The following SRD5A2 variants were observed in gnomAD, a reference collection of about 807,000 sequenced individuals.
SRD5A2 encodes the protein steroid 5 alpha-reductase 2, also known as 3-oxo-5-alpha-steroid 4-dehydrogenase 2.
Under a neutral mutation model 27.4 loss-of-function variants are expected in SRD5A2, and 30 were observed. That is an observed-to-expected ratio of 1.10 (90% CI 0.82 to 1.49). The LOEUF (loss-of-function observed/expected upper bound fraction) is 1.49. Among genes scored for constraint, SRD5A2 ranks in the 40% most tolerant of loss-of-function variants. The pLI, the probability that SRD5A2 is intolerant of heterozygous loss-of-function variation, is 0.00. For missense variants in SRD5A2, 348 were observed against 323.4 expected (o/e 1.08, Z -0.58); for synonymous variants, 141 against 133.6 (o/e 1.06, Z -0.38).
the SRD5A2 span, among the ~76,000 whole-genome samples, chr2:31,634,934 A>G: frequency 6.6e-6 from 1 of 152,100 alleles, no homozygotes; most frequent in Non-Finnish European, 1.5e-5. Context: ...TCACTCATTC[A>G]TTGATGGACA....
At chr2:31,552,976 T>C (rs762716962) in intron 1 of SRD5A2, among the ~76,000 whole-genome samples, 3 of 152,006 alleles carry the variant, frequency 2.0e-5, no homozygotes, top group Non-Finnish European at 4.4e-5. Context: ...AAAATACTTA[T>C]CATAAAGAAG....
the SRD5A2 span, among the ~76,000 whole-genome samples, chr2:31,622,674 T>C: frequency 1.3e-5 from 2 of 152,114 alleles, no homozygotes; most frequent in African/African-American, 4.8e-5. Flanking sequence ...ATGGTTTTAC[T>C]GGGATTCAGA....
chr2:31,533,143 C>T (rs1462931843), intron 2 of SRD5A2, among the ~76,000 whole-genome samples: 1 of 151,996 alleles, frequency 6.6e-6, no homozygotes, highest in East Asian at 1.9e-4. Context: ...CTTCTTTTTC[C>T]AATGTGGTCC....
At chr2:31,564,422 A>T (rs1268374858) in intron 1 of SRD5A2, among the ~76,000 whole-genome samples, 2 of 152,092 alleles carry the variant, frequency 1.3e-5, no homozygotes, top group African/African-American at 2.4e-5. Flanking sequence ...GTTGTAGGAC[A>T]GTTTAATATA....
rs372990053 is a variant in SRD5A2 at position 31,552,092 on chromosome 2, A to G, written c.282-18326T>C. Among the ~76,000 whole-genome samples, 394 of 151,776 alleles carry G rather than the reference A, an allele frequency of 2.6e-3. 2 individuals are homozygous for G. The highest frequency in any genetic ancestry group is 9.1e-3 in the African/African-American group (377 of 41,366). On this transcript the variant is annotated intron_variant, in intron 1 of 4. Transcript: ENST00000622030. ...AAAACTTTTGCACTTCAGGGGAGTGATATCAGCAAGATGGTAGAATAAATG... is the reference window on the plus strand; with the variant it reads ...AAAACTTTTGCACTTCAGGGGAGTGGTATCAGCAAGATGGTAGAATAAATG...
chr2:31,657,889 AG>A, the SRD5A2 span, among the ~76,000 whole-genome samples: 3 of 152,174 alleles, frequency 2.0e-5, no homozygotes. Context: ...ATGAAAAAGA[AG>A]AAAAGGAAGG....
chr2:31,639,277 T>C, the SRD5A2 span, among the ~76,000 whole-genome samples: 1 of 152,210 alleles, frequency 6.6e-6, no homozygotes, highest in East Asian at 1.9e-4. Flanking sequence ...AGTTTACATA[T>C]TATTATAGTA....
intron 1 of SRD5A2, among the ~76,000 whole-genome samples, chr2:31,547,884 TATAG>T (rs1666295405): frequency 6.6e-6 from 1 of 150,806 alleles, no homozygotes; most frequent in Admixed American, 6.6e-5. Context: ...GATAGATAGA[TATAG>T]ATATAGTTAG....
At chr2:31,537,272 T>C (rs2148069308) in intron 1 of SRD5A2, among the ~76,000 whole-genome samples, 1 of 152,330 alleles carries the variant, frequency 6.6e-6, no homozygotes, top group African/African-American at 2.4e-5. Flanking sequence ...CTTGACCCTG[T>C]AACCTTGTTC....
Position 31,580,938 on chromosome 2 carries a change from G to C in SRD5A2, c.-38C>G. Reference sequence around the variant, plus strand: ...CTCGCCGGTGGCCGCTGCCCTCCCAGAAGAGAGCGCGGCCCCCGCAACCCC... The same window carrying C: ...CTCGCCGGTGGCCGCTGCCCTCCCACAAGAGAGCGCGGCCCCCGCAACCCC... On this transcript the variant is annotated 5_prime_UTR_variant, in exon 1 of 5. Coordinates refer to ENST00000622030, the MANE Select transcript of SRD5A2 (RefSeq NM_000348.4). The C allele has an allele frequency of 1.3e-6, 2 of 1,571,362 alleles. No individual in the cohort carries two copies. The highest frequency in any genetic ancestry group is 1.7e-6 in the Non-Finnish European group (2 of 1,158,392).
chr2:31,596,385 C>CAAAAAAAAAAA, the SRD5A2 span, among the ~76,000 whole-genome samples: 1 of 63,898 alleles, frequency 1.6e-5, no homozygotes, highest in Non-Finnish European at 3.2e-5. Context: ...AAGACTCCAC[C>CAAAAAAAAAAA]AAAAAAAAAA....
chr2:31,594,905 A>G, the SRD5A2 span, among the ~76,000 whole-genome samples: 1 of 152,200 alleles, frequency 6.6e-6, no homozygotes, highest in Admixed American at 6.5e-5. Context: ...CCAAAAAGGA[A>G]TGCTCAAAAC....
chr2:31,621,895 C>T, the SRD5A2 span, among the ~76,000 whole-genome samples: 11 of 152,070 alleles, frequency 7.2e-5, no homozygotes, highest in Non-Finnish European at 1.2e-4. Context: ...CTCCCACCCC[C>T]GCCTCCCAAA....
the SRD5A2 span, among the ~76,000 whole-genome samples, chr2:31,613,472 C>G: frequency 6.6e-6 from 1 of 152,124 alleles, no homozygotes; most frequent in Non-Finnish European, 1.5e-5. Context: ...GATATCACCT[C>G]ACATCTTTTA....
rs900431609 is a variant in SRD5A2 at position 31,524,653 on chromosome 2, G to A, written c.*1543C>T. 4 of 230,528 alleles carry A rather than the reference G, an allele frequency of 1.7e-5. No individual in the cohort carries two copies. Among genetic ancestry groups the A allele is most frequent in the Non-Finnish European group, 8.6e-6 (1 of 116,406 alleles). 14.3% of individuals were successfully genotyped at this position (230,528 alleles called of 1,614,324 possible). On this transcript the variant is annotated 3_prime_UTR_variant, in exon 5 of 5. Coordinates refer to ENST00000622030, the MANE Select transcript of SRD5A2 (RefSeq NM_000348.4). ...ATATGATTGCAATTTGCATTTTTCA[G>A]TAATCTACATCATCCTCAGACCTTT...
chr2:31,656,068 T>C, the SRD5A2 span, among the ~76,000 whole-genome samples: 1 of 152,134 alleles, frequency 6.6e-6, no homozygotes, highest in African/African-American at 2.4e-5. Flanking sequence ...CAGTTCTCTC[T>C]GTGAAGCAGA....
chr2:31,614,739 CG>C, the SRD5A2 span, among the ~76,000 whole-genome samples: 1 of 152,184 alleles, frequency 6.6e-6, no homozygotes, highest in East Asian at 1.9e-4. Context: ...GAAATCTAGG[CG>C]GAAGTTCCAA....
At chr2:31,528,554 G>T (rs1665830386) in intron 4 of SRD5A2, among the ~76,000 whole-genome samples, 1 of 152,154 alleles carries the variant, frequency 6.6e-6, no homozygotes, top group Admixed American at 6.5e-5. Flanking sequence ...GATCACTTGA[G>T]GTCAGGAGTT....
intron 1 of SRD5A2, among the ~76,000 whole-genome samples, chr2:31,574,781 C>T (rs1300421631): frequency 6.6e-6 from 1 of 152,234 alleles, no homozygotes; most frequent in East Asian, 1.9e-4. Flanking sequence ...TACCAGGGCA[C>T]TGAATGTAAA....
Sources: gnomAD v4.1 joint callset for allele counts (sites outside exome capture counted in the v4.1 genomes callset) on GRCh38, gnomAD v4.1.1 for gene constraint, MANE v1.5 for transcripts, NCBI Gene and HGNC (gene_info 2026-07-23, HGNC 2026-07-21) for gene names.